The following MAGI2 variants were observed in gnomAD, a reference collection of about 807,000 sequenced individuals.
MAGI2 encodes the protein membrane-associated guanylate kinase, WW and PDZ domain-containing protein 2.
Under a neutral mutation model 133.3 loss-of-function variants are expected in MAGI2, and 35 were observed. The ratio of observed to expected loss-of-function variants is 0.26; its 90% CI spans 0.20 to 0.35. MAGI2 has a LOEUF of 0.35. MAGI2 is among the 10% of genes least tolerant of loss of function. MAGI2 has a pLI of 1.00. For missense variants in MAGI2, 1,636 were observed against 1,863.4 expected (o/e 0.88, Z 2.25); for synonymous variants, 729 against 710.6 (o/e 1.03, Z -0.41).
chr7:78,913,851 T>C (rs1798593799), intron 2 of MAGI2, among the ~76,000 whole-genome samples: 1 of 152,306 alleles, frequency 6.6e-6, no homozygotes, highest in Non-Finnish European at 1.5e-5. Context: ...CAATATGCAT[T>C]ATGCAAAGTC....
At chr7:78,392,041 TCG>T (rs1311740212) in intron 6 of MAGI2, among the ~76,000 whole-genome samples, 54 of 152,278 alleles carry the variant, frequency 3.5e-4, no homozygotes, top group African/African-American at 1.3e-3. Flanking sequence ...GACAGACACA[TCG>T]TTTCGACTCT....
intron 1 of MAGI2, among the ~76,000 whole-genome samples, chr7:79,146,701 C>A (rs1822664169): frequency 6.6e-6 from 1 of 152,212 alleles, no homozygotes; most frequent in Admixed American, 6.5e-5. Context: ...TCCTCATTCA[C>A]CTTCCATCAT....
At chr7:79,422,620 G>A (rs1847048006) in intron 1 of MAGI2, among the ~76,000 whole-genome samples, 1 of 151,858 alleles carries the variant, frequency 6.6e-6, no homozygotes, top group Non-Finnish European at 1.5e-5. Context: ...CAAACAGTAA[G>A]GTATATATCA....
chr7:79,300,858 T>G (rs921445440), intron 1 of MAGI2, among the ~76,000 whole-genome samples: 13 of 152,204 alleles, frequency 8.5e-5, no homozygotes, highest in Non-Finnish European at 1.6e-4. Flanking sequence ...CTGTGCAGCC[T>G]GGAGATACTG....
At chr7:78,424,642 G>A (rs1240516563) in intron 6 of MAGI2, among the ~76,000 whole-genome samples, 1 of 152,166 alleles carries the variant, frequency 6.6e-6, no homozygotes. Flanking sequence ...CCATAGGGGT[G>A]GAGCTGCCCA....
At chr7:78,647,474 T>C (rs540197174) in intron 2 of MAGI2, among the ~76,000 whole-genome samples, 1 of 152,190 alleles carries the variant, frequency 6.6e-6, no homozygotes, top group African/African-American at 2.4e-5. Flanking sequence ...AGAATGGTGA[T>C]CATTAAAAAC....
Position 79,332,946 on chromosome 7 carries a change from T to C in MAGI2, c.301+120074A>G, listed in dbSNP as rs192983705. On this transcript the variant is annotated intron_variant, in intron 1 of 21. Transcript: ENST00000354212. The stretch of plus-strand genomic sequence containing the variant: ...GCATAAATATGAAAACCTTGTTGAT[T>C]ATATCCTCATCCAAATATTTTATTT... 1.8e-4 allele frequency among the ~76,000 whole-genome samples: 27 copies of C among 152,252 alleles called. No individual in the cohort carries two copies. The East Asian group carries it at 4.8e-3, about 27-fold the overall frequency.
intron 2 of MAGI2, among the ~76,000 whole-genome samples, chr7:78,972,815 C>A (rs1035911695): frequency 6.6e-6 from 1 of 151,802 alleles, no homozygotes; most frequent in African/African-American, 2.4e-5. Context: ...AAATTATATT[C>A]ATAAAAATAT....
chr7:79,171,444 A>C (rs1437292196), intron 1 of MAGI2, among the ~76,000 whole-genome samples: 1 of 151,836 alleles, frequency 6.6e-6, no homozygotes, highest in Non-Finnish European at 1.5e-5. Context: ...TATTATTCTA[A>C]AGTCTAGGGC....
intron 2 of MAGI2, among the ~76,000 whole-genome samples, chr7:78,804,416 T>A (rs561804392): frequency 1.1e-3 from 162 of 151,180 alleles, no homozygotes; most frequent in African/African-American, 3.9e-3. Flanking sequence ...TAAACTGGAA[T>A]ATTAATAAAC....
At chr7:79,001,269 C>A (rs1336420340) in intron 2 of MAGI2, among the ~76,000 whole-genome samples, 1 of 152,090 alleles carries the variant, frequency 6.6e-6, no homozygotes, top group Non-Finnish European at 1.5e-5. Context: ...TGATTTTTGT[C>A]TTTTACTTGG....
intron 6 of MAGI2, among the ~76,000 whole-genome samples, chr7:78,467,419 G>A (rs1226099915): frequency 6.6e-6 from 1 of 151,874 alleles, no homozygotes; most frequent in East Asian, 1.9e-4. Context: ...CAGACATTTT[G>A]CCAAGAAAAA....
intron 1 of MAGI2, among the ~76,000 whole-genome samples, chr7:79,427,815 C>T (rs1847498091): frequency 6.6e-6 from 1 of 152,102 alleles, no homozygotes; most frequent in Admixed American, 6.6e-5. Flanking sequence ...TTGGTAGTCA[C>T]TTGCTGGATG....
At chr7:78,210,306 G>T (rs191364448) in intron 10 of MAGI2, among the ~76,000 whole-genome samples, 157 of 152,266 alleles carry the variant, frequency 1.0e-3, no homozygotes, top group Middle Eastern at 0.01. Flanking sequence ...AGTGAAGGGT[G>T]AGGAATGTAG....
intron 3 of MAGI2, among the ~76,000 whole-genome samples, chr7:78,621,508 C>T (rs1433797991): frequency 1.3e-5 from 2 of 152,012 alleles, no homozygotes; most frequent in Non-Finnish European, 2.9e-5. Context: ...CTGATGGTTA[C>T]TATCATGGCC....
At chr7:78,685,155 G>C (rs1057048386) in intron 2 of MAGI2, among the ~76,000 whole-genome samples, 1 of 152,132 alleles carries the variant, frequency 6.6e-6, no homozygotes. Flanking sequence ...TCTCCTGTCT[G>C]ATTTTCTTTC....
intron 9 of MAGI2, among the ~76,000 whole-genome samples, chr7:78,339,529 ATAAC>A (rs1298272253): frequency 6.6e-6 from 1 of 152,238 alleles, no homozygotes; most frequent in Non-Finnish European, 1.5e-5. Flanking sequence ...GGAAAGAAAA[ATAAC>A]TACATTTTTT....
At chr7:79,293,778 G>A (rs1836687623) in intron 1 of MAGI2, among the ~76,000 whole-genome samples, 1 of 152,144 alleles carries the variant, frequency 6.6e-6, no homozygotes, top group Non-Finnish European at 1.5e-5. Context: ...GACCTCTCAG[G>A]CCTCCTAGTC....
In MAGI2 at chr7:78,018,871, TGTCTC is replaced by T. The variant is rs1394165803; in HGVS notation, c.*439_*443del. The T allele has an allele frequency of 1.8e-5, 6 of 342,106 alleles. No homozygotes were observed. The highest frequency in any genetic ancestry group is 1.4e-4 in the Admixed American group (3 of 20,952). The allele number at this position is 342,106 out of a possible 1,614,324, so 21.2% of individuals were successfully genotyped here. On this transcript the variant is annotated 3_prime_UTR_variant, in exon 22 of 22. Coordinates refer to ENST00000354212, the MANE Select transcript of MAGI2 (RefSeq NM_012301.4). ...TTAGATCAATTAAAAGATATAATCTTGTCTCAGTTTCAGCTTGCTCCGTGCAGTTT... is the reference window on the plus strand; with the variant it reads ...TTAGATCAATTAAAAGATATAATCTTAGTTTCAGCTTGCTCCGTGCAGTTT...
Sources: gnomAD v4.1 joint callset for allele counts (sites outside exome capture counted in the v4.1 genomes callset) on GRCh38, gnomAD v4.1.1 for gene constraint, MANE v1.5 for transcripts, NCBI Gene and HGNC (gene_info 2026-07-23, HGNC 2026-07-21) for gene names.